Variants in SGCZ observed in about 807,000 individuals in gnomAD.
SGCZ encodes zeta-sarcoglycan.
A neutral mutation model predicts 41.3 loss-of-function variants in SGCZ; 40 were observed. That is an observed-to-expected ratio of 0.97 (90% CI 0.75 to 1.26). The LOEUF (loss-of-function observed/expected upper bound fraction) is 1.26. Ranked by LOEUF, SGCZ falls within the 50% of genes most tolerant of loss-of-function variation. The pLI is 0.00. For synonymous variants in SGCZ, 206 were observed against 137.5 expected (o/e 1.50, Z -3.49); for missense variants, 552 against 369.8 (o/e 1.49, Z -4.04).
chr8:14,299,817 G>C (rs1801127552), intron 3 of SGCZ, among the ~76,000 whole-genome samples: 1 of 151,644 alleles, frequency 6.6e-6, no homozygotes, highest in Non-Finnish European at 1.5e-5. Flanking sequence ...TCACCCAAGA[G>C]TAATGAATTT....
At chr8:14,954,619 G>A (rs1800738239) in intron 1 of SGCZ, among the ~76,000 whole-genome samples, 1 of 152,120 alleles carries the variant, frequency 6.6e-6, no homozygotes, top group Non-Finnish European at 1.5e-5. Flanking sequence ...CCAAAGAAGA[G>A]GTAAGGGGCA....
At chr8:14,285,136 T>C (rs1563234092) in intron 3 of SGCZ, among the ~76,000 whole-genome samples, 1 of 152,162 alleles carries the variant, frequency 6.6e-6, no homozygotes, top group Non-Finnish European at 1.5e-5. Flanking sequence ...CCTGGTTTCA[T>C]TCAGTTCCTT....
chr8:14,626,089 A>G (rs909784309), intron 1 of SGCZ, among the ~76,000 whole-genome samples: 1 of 152,192 alleles, frequency 6.6e-6, no homozygotes, highest in Admixed American at 6.5e-5. Context: ...AAAATGTCAA[A>G]TGATTAACAT....
chr8:15,002,550 G>C (rs770543106), intron 1 of SGCZ, among the ~76,000 whole-genome samples: 8 of 152,024 alleles, frequency 5.3e-5, no homozygotes, highest in Non-Finnish European at 2.9e-5. Context: ...GTCGCTGGTA[G>C]GTAGCACGAA....
At chr8:14,271,568 C>A (rs1001978947) in intron 3 of SGCZ, among the ~76,000 whole-genome samples, 6 of 152,204 alleles carry the variant, frequency 3.9e-5, no homozygotes, top group African/African-American at 1.4e-4. Flanking sequence ...TTGGAACAAA[C>A]CTGAGTTTCC....
At chr8:14,540,864 T>G (rs1803444189) in intron 2 of SGCZ, among the ~76,000 whole-genome samples, 1 of 151,812 alleles carries the variant, frequency 6.6e-6, no homozygotes, top group South Asian at 2.1e-4. Flanking sequence ...GATTTTCTTA[T>G]TCATGAACAA....
intron 2 of SGCZ, among the ~76,000 whole-genome samples, chr8:14,394,166 T>TCC (rs1804894850): frequency 4.8e-5 from 7 of 145,242 alleles, no homozygotes; most frequent in African/African-American, 1.9e-4. Flanking sequence ...TTTTTTTTTT[T>TCC]TTGAGATTTA....
At chr8:14,236,522 T>G (rs1806768402) in intron 4 of SGCZ, among the ~76,000 whole-genome samples, 1 of 152,028 alleles carries the variant, frequency 6.6e-6, no homozygotes, top group Non-Finnish European at 1.5e-5. Flanking sequence ...AAATGTATTA[T>G]TTTTGCATAA....
chr8:14,127,658 G>T (rs1033131377), intron 5 of SGCZ, among the ~76,000 whole-genome samples: 1 of 151,990 alleles, frequency 6.6e-6, no homozygotes. Flanking sequence ...TGGTTTCACC[G>T]TGTTAGCCAG....
At chr8:14,464,371 G>C (rs952175853) in intron 2 of SGCZ, among the ~76,000 whole-genome samples, 2 of 151,074 alleles carry the variant, frequency 1.3e-5, no homozygotes, top group African/African-American at 4.9e-5. Context: ...ATTTCATTAA[G>C]GTTATCCAAT....
rs567722920 is a variant in SGCZ at position 14,657,566 on chromosome 8, C to G, written c.40-102640G>C. Among the ~76,000 whole-genome samples the G allele has an allele frequency of 1.1e-3, 161 of 152,102 alleles. 1 individual carries two copies. The highest frequency in any genetic ancestry group is 3.8e-3 in the African/African-American group (157 of 41,486). On this transcript the variant is annotated intron_variant, in intron 1 of 7. Coordinates refer to ENST00000382080, the MANE Select transcript of SGCZ (RefSeq NM_139167.4). Reference sequence around the variant, plus strand: ...TGCTCAGGAAAAGTATACATTTATTCTTTTTCTTGGGAACTTTCTGAATTT... The same window carrying G: ...TGCTCAGGAAAAGTATACATTTATTGTTTTTCTTGGGAACTTTCTGAATTT...
Position 15,155,856 on chromosome 8 carries a change from G to A in SGCZ, c.39+81729C>T, listed in dbSNP as rs1049973121. 3.9e-5 allele frequency among the ~76,000 whole-genome samples: 6 copies of A among 152,142 alleles called. No individual in the cohort carries two copies. The South Asian group carries it at 6.2e-4, about 16-fold the overall frequency. ...GTGGACTGCCTGAGCTCAGGAGCTC[G>A]AGATCAGCCTGGACAACATGGCGAA... On this transcript the variant is annotated intron_variant, in intron 1 of 7. Transcript: ENST00000382080.
chr8:14,639,746 G>C lies in SGCZ; in HGVS notation c.40-84820C>G, dbSNP rs575183880. ...TCAGAATAAAACCGATAAGGACTTT[G>C]TACTGGAAAAGAAGATGATTCTCAT... is the stretch of plus-strand genomic sequence containing the variant. On this transcript the variant is annotated intron_variant, in intron 1 of 7. Transcript: ENST00000382080. Among the ~76,000 whole-genome samples the C allele has an allele frequency of 4.0e-5, 6 of 151,560 alleles. No individual in the cohort carries two copies. In the South Asian group the frequency reaches 1.2e-3, roughly 31 times the overall value.
chr8:14,599,741 T>C (rs1035723528), intron 1 of SGCZ, among the ~76,000 whole-genome samples: 2 of 152,212 alleles, frequency 1.3e-5, no homozygotes, highest in African/African-American at 4.8e-5. Flanking sequence ...CTCTTTCTTT[T>C]TACTAAAGCT....
chr8:14,872,627 T>G (rs1804203257), intron 1 of SGCZ, among the ~76,000 whole-genome samples: 1 of 152,092 alleles, frequency 6.6e-6, no homozygotes, highest in South Asian at 2.1e-4. Context: ...AGTATGTCTA[T>G]AAATACATTA....
intron 1 of SGCZ, among the ~76,000 whole-genome samples, chr8:15,010,849 C>G (rs575212050): frequency 6.6e-6 from 1 of 152,144 alleles, no homozygotes; most frequent in African/African-American, 2.4e-5. Flanking sequence ...CTAAGAAACA[C>G]GACGTGCCAA....
chr8:14,449,479 C>T (rs78262642), intron 2 of SGCZ, among the ~76,000 whole-genome samples: 6,203 of 152,178 alleles, frequency 0.041, 394 homozygotes, highest in African/African-American at 0.14. Context: ...CCATTGCTAC[C>T]ATACACTTAA....
chr8:15,031,379 G>T (rs1181325522), intron 1 of SGCZ, among the ~76,000 whole-genome samples: 1 of 152,132 alleles, frequency 6.6e-6, no homozygotes, highest in Admixed American at 6.5e-5. Flanking sequence ...GCAGTAGAGA[G>T]TGTTGAATCT....
intron 2 of SGCZ, among the ~76,000 whole-genome samples, chr8:14,473,964 A>T (rs556435218): frequency 2.0e-5 from 3 of 152,102 alleles, no homozygotes; most frequent in Admixed American, 2.0e-4. Context: ...TTTTTATGAA[A>T]AATAATATCT....
Sources: allele counts gnomAD v4.1 joint callset (sites outside exome capture counted in the v4.1 genomes callset), GRCh38; gene constraint gnomAD v4.1.1; transcripts MANE v1.5; gene names NCBI Gene and HGNC (gene_info 2026-07-23, HGNC 2026-07-21).